The following GRK4 variants were observed in gnomAD, a reference collection of about 807,000 sequenced individuals.
The protein encoded by GRK4 is G protein-coupled receptor kinase 4.
GRK4 carries 73 observed loss-of-function variants against 77.9 expected under a neutral mutation model. The ratio of observed to expected loss-of-function variants is 0.94; its 90% CI spans 0.78 to 1.14. The LOEUF (loss-of-function observed/expected upper bound fraction) is 1.14, where lower values mean the gene tolerates loss of function less well. Ranked by LOEUF, GRK4 falls within the 50% of genes most tolerant of loss-of-function variation. GRK4 has a pLI of 0.00. For missense variants in GRK4, 729 were observed against 700.2 expected, an observed-to-expected ratio of 1.04 and a Z score of -0.46; for synonymous variants, 257 against 254.4, an observed-to-expected ratio of 1.01 and a Z score of -0.10.
At chr4:3,037,583 C>A in intron 14 of GRK4, 72 bp downstream of exon 14, 1 of 1,347,588 alleles carries the variant, frequency 7.4e-7, no homozygotes, top group South Asian at 1.4e-5. Context: ...GTGTGTGTGT[C>A]CGTGTGTGTG....
intron 4 of GRK4, 67 bp downstream of exon 4, chr4:2,992,359 T>C: frequency 9.4e-7 from 1 of 1,068,682 alleles, no homozygotes; most frequent in East Asian, 2.4e-5. Context: ...ATTTTTACTT[T>C]GTTAGATAAG....
chr4:3,009,604 A>G (rs2109875479), intron 6 of GRK4, 44 bp from the exon 7 acceptor site: 5 of 1,458,266 alleles, frequency 3.4e-6, no homozygotes, highest in South Asian at 3.4e-5. Context: ...TTTTAAAAGA[A>G]CAATGCAATG....
chr4:2,972,268 T>G (rs1719784216), intron 1 of GRK4, among the ~76,000 whole-genome samples: 1 of 152,196 alleles, frequency 6.6e-6, no homozygotes, highest in Non-Finnish European at 1.5e-5. Flanking sequence ...CCTGTGGCCC[T>G]GCCGACCACC....
intron 8 of GRK4, among the ~76,000 whole-genome samples, chr4:3,016,687 G>A (rs1230304690): frequency 6.8e-6 from 1 of 147,490 alleles, no homozygotes; most frequent in African/African-American, 2.5e-5. Flanking sequence ...GTGACAGAGT[G>A]AGATCCCATC....
chr4:2,971,937 C>T (rs1313621548), intron 1 of GRK4, among the ~76,000 whole-genome samples: 1 of 152,186 alleles, frequency 6.6e-6, no homozygotes, highest in East Asian at 1.9e-4. Context: ...AGGGCCCACC[C>T]TAATGACCTA....
At chr4:2,974,316 A>G (rs1431944239) in intron 1 of GRK4, among the ~76,000 whole-genome samples, 1 of 152,284 alleles carries the variant, frequency 6.6e-6, no homozygotes, top group East Asian at 1.9e-4. Flanking sequence ...TTTCATGCCT[A>G]GAACAGTTCC....
intron 8 of GRK4, among the ~76,000 whole-genome samples, chr4:3,016,377 G>T (rs371006389): frequency 1.1e-4 from 17 of 151,842 alleles, no homozygotes; most frequent in African/African-American, 3.9e-4. Context: ...TTAGCTGGGT[G>T]TGTGGTGGCG....
At chr4:3,012,805 A>G (rs1315691785) in intron 7 of GRK4, among the ~76,000 whole-genome samples, 1 of 152,200 alleles carries the variant, frequency 6.6e-6, no homozygotes, top group Non-Finnish European at 1.5e-5. Flanking sequence ...ATTCTATGAA[A>G]TATATTTCCT....
intron 4 of GRK4, among the ~76,000 whole-genome samples, chr4:2,993,747 A>T (rs905334880): frequency 6.6e-6 from 1 of 152,110 alleles, no homozygotes; most frequent in Non-Finnish European, 1.5e-5. Context: ...ATCACAACAA[A>T]CCTATGAGGT....
At chr4:3,009,491 G>A (rs1454490608) in intron 6 of GRK4, among the ~76,000 whole-genome samples, 157 bp from the exon 7 acceptor site, 1 of 151,776 alleles carries the variant, frequency 6.6e-6, no homozygotes, top group Non-Finnish European at 1.5e-5. Flanking sequence ...CTGCTAGAGG[G>A]AGCCACAGTC....
At chr4:3,029,180 T>C (rs2110048112) in intron 11 of GRK4, 21 bp from the exon 12 acceptor site, 1 of 1,562,716 alleles carries the variant, frequency 6.4e-7, no homozygotes, top group South Asian at 1.1e-5. Flanking sequence ...TTAATTTCCA[T>C]TTCCTGTATT....
intron 8 of GRK4, among the ~76,000 whole-genome samples, chr4:3,016,532 C>CAA (rs527985170): frequency 5.2e-5 from 4 of 77,230 alleles, no homozygotes; most frequent in African/African-American, 1.0e-4. Context: ...ACTCAATCTC[C>CAA]AAAAAAAAAA....
rs916181643 is a variant in GRK4 at position 3,037,365 on chromosome 4, G to C, written c.1408-9G>C. On this transcript the variant is annotated splice_polypyrimidine_tract_variant and intron_variant, in intron 13 of 15. Transcript: ENST00000398052. ...CATCTCAGAGGCTGCCCCTGTTCTTGCTACACAGCCTCATGCCGTTTACTG... is the reference window on the plus strand; with the variant it reads ...CATCTCAGAGGCTGCCCCTGTTCTTCCTACACAGCCTCATGCCGTTTACTG... 11 of 1,576,358 alleles carry C rather than the reference G, an allele frequency of 7.0e-6. No homozygotes were observed. The highest frequency in any genetic ancestry group is 8.7e-6 in the Non-Finnish European group (10 of 1,150,532).
intron 8 of GRK4, among the ~76,000 whole-genome samples, chr4:3,016,176 G>A (rs1490511578): frequency 6.0e-5 from 9 of 149,556 alleles, no homozygotes; most frequent in Non-Finnish European, 1.3e-4. Context: ...CCAGAATGCT[G>A]GGGATTACAG....
chr4:2,990,724 T>C (rs1416214129), intron 3 of GRK4, among the ~76,000 whole-genome samples: 1 of 152,240 alleles, frequency 6.6e-6, no homozygotes, highest in Non-Finnish European at 1.5e-5. Context: ...ATAGCTAAAC[T>C]GCATTGTTGA....
At chr4:2,992,183 T>G (rs779613086) in intron 3 of GRK4, 32 bp from the exon 4 acceptor site, 1 of 1,523,176 alleles carries the variant, frequency 6.6e-7, no homozygotes, top group Non-Finnish European at 9.1e-7. Flanking sequence ...CCAGCTTAAC[T>G]GTTCTTTCTT....
At chr4:2,969,820 G>A (rs892514687) in intron 1 of GRK4, among the ~76,000 whole-genome samples, 3 of 152,048 alleles carry the variant, frequency 2.0e-5, no homozygotes, top group Non-Finnish European at 4.4e-5. Context: ...TGGGACCACA[G>A]GCATGCGCTG....
chr4:3,013,957 G>T, intron 8 of GRK4, 129 bp downstream of exon 8: 4 of 996,806 alleles, frequency 4.0e-6, no homozygotes, highest in Non-Finnish European at 5.7e-6. Context: ...TTTATGTGGG[G>T]GTTTGCTCTT....
intron 12 of GRK4, among the ~76,000 whole-genome samples, chr4:3,031,394 C>T (rs374905702): frequency 4.6e-4 from 70 of 152,280 alleles, no homozygotes; most frequent in African/African-American, 1.6e-3. Context: ...AGAGCCCATG[C>T]GGACCTGAAG....
Sources: allele counts gnomAD v4.1 joint callset (sites outside exome capture counted in the v4.1 genomes callset), GRCh38; gene constraint gnomAD v4.1.1; transcripts MANE v1.5; gene names NCBI Gene and HGNC (gene_info 2026-07-23, HGNC 2026-07-21).